The following MTA3 variants were observed in gnomAD, a reference collection of about 807,000 sequenced individuals.
MTA3 encodes metastasis associated 1 family member 3.
MTA3 carries 34 observed loss-of-function variants against 83.5 expected under a neutral mutation model. The ratio of observed to expected loss-of-function variants is 0.41; its 90% CI spans 0.31 to 0.54. The LOEUF is 0.54. MTA3 is among the 20% of genes least tolerant of loss of function. MTA3 has a pLI of 0.33. For missense variants in MTA3, 761 were observed against 726.4 expected (o/e 1.05, Z -0.55); for synonymous variants, 303 against 252.7 (o/e 1.20, Z -1.89).
intron 16 of MTA3, among the ~76,000 whole-genome samples, chr2:42,741,927 G>T (rs1347511382): frequency 6.6e-6 from 1 of 152,150 alleles, no homozygotes; most frequent in African/African-American, 2.4e-5. Flanking sequence ...CTTGTTTAAT[G>T]CAGAGTTGCC....
intron 16 of MTA3, among the ~76,000 whole-genome samples, chr2:42,746,329 G>A (rs1669422119): frequency 6.6e-6 from 1 of 152,086 alleles, no homozygotes; most frequent in Admixed American, 6.5e-5. Context: ...CTATTAAGGG[G>A]AAAAAACACA....
At chr2:42,503,837 C>G (rs1293100654) in intron 2 of MTA3, among the ~76,000 whole-genome samples, 1 of 151,902 alleles carries the variant, frequency 6.6e-6, no homozygotes, top group Non-Finnish European at 1.5e-5. Context: ...TAGCAAGCCC[C>G]CATCATTTAA....
chr2:42,634,909 A>G (rs1283644469), intron 4 of MTA3, among the ~76,000 whole-genome samples: 1 of 151,888 alleles, frequency 6.6e-6, no homozygotes, highest in Non-Finnish European at 1.5e-5. Flanking sequence ...AACTTAGTAA[A>G]CAGTCTTTGT....
chr2:42,614,741 G>A (rs1684646418), intron 4 of MTA3, among the ~76,000 whole-genome samples: 1 of 152,014 alleles, frequency 6.6e-6, no homozygotes, highest in Non-Finnish European at 1.5e-5. Flanking sequence ...TTGAGAGGCC[G>A]GGGTGGGAGG....
chr2:42,640,335 AC>A, intron 5 of MTA3, 99 bp downstream of exon 5: 1 of 824,672 alleles, frequency 1.2e-6, no homozygotes, highest in Non-Finnish European at 1.9e-6. Flanking sequence ...GTATTATTCC[AC>A]CATTATATTA....
intron 3 of MTA3, among the ~76,000 whole-genome samples, chr2:42,597,774 A>G (rs1682000272): frequency 7.0e-6 from 1 of 143,508 alleles, no homozygotes; most frequent in South Asian, 2.3e-4. Flanking sequence ...TCTGCCTCCC[A>G]GGCTCAACTG....
rs1212599313 is a variant in MTA3, at chr2:42,754,492, G to A, written c.*1093G>A. 1.0e-6 allele frequency: 1 copy of A among 985,402 alleles called. No individual in the cohort carries two copies. Among genetic ancestry groups the A allele is most frequent in the South Asian group, 4.7e-5 (1 of 21,288 alleles). The allele number at this position is 985,402 out of a possible 1,614,324, so 61.0% of individuals were successfully genotyped here. On this transcript the variant is annotated 3_prime_UTR_variant, in exon 17 of 17. Coordinates refer to ENST00000405094, the MANE Select transcript of MTA3 (RefSeq NM_001330442.2). The stretch of plus-strand genomic sequence containing the variant: ...CACCTGCCCTCGGCACGAGCCCTTG[G>A]TGGCATCACAGTTGGCCACTCAGCT...
chr2:42,611,352 CAT>C (rs1684201931), intron 4 of MTA3, among the ~76,000 whole-genome samples: 1 of 152,050 alleles, frequency 6.6e-6, no homozygotes, highest in Non-Finnish European at 1.5e-5. Flanking sequence ...CCCTCACACA[CAT>C]GCTCCAATTC....
chr2:42,703,392 G>C (rs1665767024), intron 11 of MTA3: 1 of 152,230 alleles, frequency 6.6e-6, no homozygotes, highest in African/African-American at 2.4e-5. Context: ...GATGGGCCCT[G>C]TTGACCCCGC....
rs1269962136 is a variant in MTA3, at chr2:42,631,479, T to C, written c.318-8694T>C. The stretch of plus-strand genomic sequence containing the variant: ...TAGATGCAAAGTATGTCCTATGTAT[T>C]GTCTCAAGTACTTGTGTGTGTGTTT... On this transcript the variant is annotated intron_variant, in intron 4 of 16. Transcript: ENST00000405094. Among the ~76,000 whole-genome samples, 6 of 152,296 alleles carry C rather than the reference T, an allele frequency of 3.9e-5. No homozygotes were observed. The South Asian group carries it at 8.3e-4, about 21-fold the overall frequency.
intron 4 of MTA3, among the ~76,000 whole-genome samples, chr2:42,613,504 T>G (rs1684473378): frequency 6.6e-6 from 1 of 152,244 alleles, no homozygotes; most frequent in East Asian, 1.9e-4. Flanking sequence ...TGGAGTGGTC[T>G]TGACATTTTG....
rs1670240394 is a variant in MTA3, at chr2:42,756,395, G to A, written c.*2996G>A. 2 of 907,606 alleles carry A rather than the reference G, an allele frequency of 2.2e-6. No homozygotes were observed. Among genetic ancestry groups the A allele is most frequent in the Non-Finnish European group, 2.6e-6 (2 of 758,958 alleles). 56.2% of individuals were successfully genotyped at this position (907,606 alleles called of 1,614,324 possible). A position where few individuals can be genotyped will look rare whatever the true frequency, so the allele number is the denominator to read the frequency against. On this transcript the variant is annotated 3_prime_UTR_variant, in exon 17 of 17. Transcript: ENST00000405094. ...ACCCAGTTGGAAGCAGCTGCCCTGG[G>A]AGCCTGGGACAGGCGACCCACCGGG...
At chr2:42,746,042 GAC>G (rs1475501084) in intron 16 of MTA3, among the ~76,000 whole-genome samples, 1 of 151,622 alleles carries the variant, frequency 6.6e-6, no homozygotes, top group Non-Finnish European at 1.5e-5. Flanking sequence ...TCGATCTCCT[GAC>G]ATTGTGATCC....
At chr2:42,696,757 GAAAACA>G (rs1029704876) in intron 10 of MTA3, among the ~76,000 whole-genome samples, 4 of 151,964 alleles carry the variant, frequency 2.6e-5, no homozygotes, top group African/African-American at 9.7e-5. Context: ...AATAAAAATT[GAAAACA>G]AAAAGTACCA....
At chr2:42,575,276 C>T (rs574031815) in intron 2 of MTA3, among the ~76,000 whole-genome samples, 3 of 152,166 alleles carry the variant, frequency 2.0e-5, no homozygotes, top group African/African-American at 7.2e-5. Context: ...AATATACTTA[C>T]TGTGTTTATT....
intron 3 of MTA3, among the ~76,000 whole-genome samples, chr2:42,592,303 G>A (rs2103944050): frequency 6.6e-6 from 1 of 152,044 alleles, no homozygotes; most frequent in South Asian, 2.1e-4. Context: ...TTCATTTATG[G>A]CTGGGCATAG....
intron 16 of MTA3, among the ~76,000 whole-genome samples, chr2:42,743,661 CT>C: frequency 1.3e-5 from 2 of 152,252 alleles, no homozygotes; most frequent in South Asian, 4.1e-4. Flanking sequence ...ATGTAGATGA[CT>C]CTGTAAGTAC....
chr2:42,676,814 G>T (rs1456805371), intron 8 of MTA3, among the ~76,000 whole-genome samples: 2 of 152,092 alleles, frequency 1.3e-5, no homozygotes, highest in African/African-American at 4.8e-5. Flanking sequence ...TAGCATTTTT[G>T]AGTATCTTTT....
intron 3 of MTA3, among the ~76,000 whole-genome samples, chr2:42,604,073 C>G (rs1001552824): frequency 1.3e-5 from 2 of 151,590 alleles, no homozygotes; most frequent in Admixed American, 1.3e-4. Context: ...CAGAGTTTTG[C>G]TCTTGTCGCC....
Sources: gnomAD v4.1 joint callset for allele counts (sites outside exome capture counted in the v4.1 genomes callset) on GRCh38, gnomAD v4.1.1 for gene constraint, MANE v1.5 for transcripts, NCBI Gene and HGNC (gene_info 2026-07-23, HGNC 2026-07-21) for gene names.